SYT16: variants seen among roughly 807,000 people sequenced by gnomAD.
The protein encoded by SYT16 is synaptotagmin-16.
SYT16 carries 42 observed loss-of-function variants against 61.4 expected under a neutral mutation model. That is an observed-to-expected ratio of 0.68 (90% CI 0.53 to 0.89). The LOEUF (loss-of-function observed/expected upper bound fraction) is 0.89, where lower values mean the gene tolerates loss of function less well. Ranked by LOEUF, SYT16 falls within the 40% of genes least tolerant of loss-of-function variation. SYT16 has a pLI of 0.00. For synonymous variants in SYT16, 314 were observed against 302.3 expected (o/e 1.04, Z -0.40); for missense variants, 804 against 807.3 (o/e 1.00, Z 0.05).
In SYT16 at chr14:62,100,527, G is replaced by C. The variant is rs1173109737; in HGVS notation, c.1758G>C (p.Leu586=). The C allele has an allele frequency of 6.2e-7, 1 of 1,613,832 alleles. No homozygotes were observed. The highest frequency in any genetic ancestry group is 8.5e-7 in the Non-Finnish European group (1 of 1,179,838). ...TFVFQVALFQ[L]SDVTLMISVY... is the part of the protein sequence containing the mutation. ...TTTTCCAGGTGGCCCTCTTTCAGCT[G>C]TCTGATGTCACGTTGATGATTTCCG... The change falls in exon 8 of 8, where the codon CTG becomes CTC. Residue 586 remains leucine, a synonymous_variant. Coordinates refer to ENST00000683842, the MANE Select transcript of SYT16 (RefSeq NM_001367656.1).
intron 3 of SYT16, among the ~76,000 whole-genome samples, chr14:62,015,188 G>A (rs1296089437): frequency 6.6e-6 from 1 of 151,874 alleles, no homozygotes; most frequent in Non-Finnish European, 1.5e-5. Flanking sequence ...TTTTTTTATG[G>A]ATGTACCCAC....
At chr14:61,831,551 C>T (rs189523778) in intron 1 of SYT16, among the ~76,000 whole-genome samples, 1 of 152,272 alleles carries the variant, frequency 6.6e-6, no homozygotes, top group Non-Finnish European at 1.5e-5. Context: ...TATTGTCTCT[C>T]TCCCATTCCC....
In SYT16 at chr14:62,081,052, G is replaced by C. The variant is rs200293604; in HGVS notation, c.1212G>C (p.Thr404=). Reference sequence around the variant, plus strand: ...CTGGTAAGAAACACAGGGGCAGGACGAACATACAGAGAGGGCCCAACCCCG... The same window carrying C: ...CTGGTAAGAAACACAGGGGCAGGACCAACATACAGAGAGGGCCCAACCCCG... ...LLPGKKHRGR[T]NIQRGPNPVF... is the part of the protein sequence containing the mutation. Residue 404 remains threonine, a synonymous_variant, in exon 6 of 8, where the codon ACG becomes ACC. Coordinates refer to ENST00000683842, the MANE Select transcript of SYT16 (RefSeq NM_001367656.1). 444 of 1,613,524 alleles carry C rather than the reference G, an allele frequency of 2.8e-4. No individual in the cohort carries two copies. Among genetic ancestry groups the C allele is most frequent in the Non-Finnish European group, 3.6e-4 (428 of 1,179,672 alleles).
At chr14:61,961,682 T>C (rs761534471) in intron 1 of SYT16, among the ~76,000 whole-genome samples, 2 of 152,172 alleles carry the variant, frequency 1.3e-5, no homozygotes, top group Non-Finnish European at 2.9e-5. Flanking sequence ...TGTAAATTAG[T>C]TTAGCTATTG....
chr14:62,093,749 T>G (rs1197069877), intron 7 of SYT16, among the ~76,000 whole-genome samples: 1 of 152,166 alleles, frequency 6.6e-6, no homozygotes. Flanking sequence ...TCTCAATAGA[T>G]GCAAAAAGTT....
intron 2 of SYT16, among the ~76,000 whole-genome samples, chr14:61,976,080 C>G (rs2051781774): frequency 6.6e-6 from 1 of 152,218 alleles, no homozygotes; most frequent in Non-Finnish European, 1.5e-5. Context: ...AGGCCCCATG[C>G]AGGTCCAAAA....
chr14:62,051,433 C>T (rs1027895543), intron 3 of SYT16, among the ~76,000 whole-genome samples: 2 of 152,332 alleles, frequency 1.3e-5, no homozygotes, highest in Middle Eastern at 3.4e-3. Context: ...TGAGGCGATG[C>T]CTCACCCTGC....
At chr14:62,075,616 AAAAG>A (rs2056466288) in intron 5 of SYT16, among the ~76,000 whole-genome samples, 2 of 114,338 alleles carry the variant, frequency 1.7e-5, no homozygotes, top group South Asian at 2.8e-4. Flanking sequence ...AAAAAAAAAA[AAAAG>A]AAAAAAAGAA....
At chr14:61,951,460 G>A (rs2050667914) in intron 1 of SYT16, among the ~76,000 whole-genome samples, 1 of 152,212 alleles carries the variant, frequency 6.6e-6, no homozygotes, top group South Asian at 2.1e-4. Context: ...TAGTCTCACT[G>A]TGTGGGCAGT....
chr14:61,994,849 A>C (rs1396558523), intron 2 of SYT16, among the ~76,000 whole-genome samples: 1 of 152,186 alleles, frequency 6.6e-6, no homozygotes, highest in East Asian at 1.9e-4. Flanking sequence ...GGCTAATAAA[A>C]AATTTTTAGA....
At chr14:61,994,910 T>TA (rs1287933166) in intron 2 of SYT16, among the ~76,000 whole-genome samples, 1 of 152,190 alleles carries the variant, frequency 6.6e-6, no homozygotes, top group Non-Finnish European at 1.5e-5. Flanking sequence ...GACTAAGGGA[T>TA]AGCTAGTAGA....
At chr14:61,851,213 A>C (rs2046607750) in intron 1 of SYT16, among the ~76,000 whole-genome samples, 1 of 152,074 alleles carries the variant, frequency 6.6e-6, no homozygotes, top group Non-Finnish European at 1.5e-5. Flanking sequence ...TTCCAAGTCC[A>C]CCCATGTCCC....
At chr14:62,095,791 C>T in intron 7 of SYT16, among the ~76,000 whole-genome samples, 1 of 151,822 alleles carries the variant, frequency 6.6e-6, no homozygotes, top group Non-Finnish European at 1.5e-5. Context: ...GCTTGGCAAA[C>T]TCATTCTAAA....
intron 3 of SYT16, among the ~76,000 whole-genome samples, chr14:62,030,308 G>A (rs916376664): frequency 4.6e-5 from 7 of 152,050 alleles, no homozygotes; most frequent in African/African-American, 7.2e-5. Flanking sequence ...TCATCCTGCC[G>A]GGAAAAAAAT....
At chr14:61,843,246 C>G (rs1001715724) in intron 1 of SYT16, among the ~76,000 whole-genome samples, 1 of 152,172 alleles carries the variant, frequency 6.6e-6, no homozygotes, top group African/African-American at 2.4e-5. Context: ...TTATGATTCC[C>G]TGCCTTTTGA....
intron 1 of SYT16, among the ~76,000 whole-genome samples, chr14:61,889,190 A>G (rs1213997715): frequency 6.6e-6 from 1 of 152,196 alleles, no homozygotes; most frequent in African/African-American, 2.4e-5. Flanking sequence ...GTGGGGGTTT[A>G]TAACCACTGA....
chr14:61,858,216 A>G (rs188676648), intron 1 of SYT16, among the ~76,000 whole-genome samples: 1 of 152,012 alleles, frequency 6.6e-6, no homozygotes, highest in African/African-American at 2.4e-5. Context: ...AAAACTTGGC[A>G]AACAGTCTTA....
chr14:61,862,615 C>A (rs2046999739), intron 1 of SYT16, among the ~76,000 whole-genome samples: 1 of 152,160 alleles, frequency 6.6e-6, no homozygotes, highest in Non-Finnish European at 1.5e-5. Flanking sequence ...CACTGAGGAA[C>A]CTACCCTGGC....
At chr14:61,984,077 T>C (rs1271259825) in intron 2 of SYT16, among the ~76,000 whole-genome samples, 3 of 152,152 alleles carry the variant, frequency 2.0e-5, no homozygotes, top group Non-Finnish European at 2.9e-5. Flanking sequence ...ACAGAAAGTA[T>C]GGTGAAGCTT....
Sources: gnomAD v4.1 joint callset for allele counts (sites outside exome capture counted in the v4.1 genomes callset) on GRCh38, gnomAD v4.1.1 for gene constraint, MANE v1.5 for transcripts, NCBI Gene and HGNC (gene_info 2026-07-23, HGNC 2026-07-21) for gene names.